The following KIAA0319 variants were observed in gnomAD, a reference collection of about 807,000 sequenced individuals.
KIAA0319 encodes the protein KIAA0319.
KIAA0319 carries 83 observed loss-of-function variants against 108.4 expected under a neutral mutation model. The ratio of observed to expected loss-of-function variants is 0.77; its 90% CI spans 0.64 to 0.92. The LOEUF is 0.92. Ranked by LOEUF, KIAA0319 falls within the 40% of genes least tolerant of loss-of-function variation. The probability of loss-of-function intolerance (pLI) is 0.00; values close to 1 mark genes in which losing one functional copy is unlikely to be tolerated. For synonymous variants in KIAA0319, 484 were observed against 510.4 expected (o/e 0.95, Z 0.70); for missense variants, 1,195 against 1,322.4 (o/e 0.90, Z 1.49).
intron 6 of KIAA0319, 68 bp downstream of exon 6, chr6:24,582,181 G>A: frequency 2.3e-6 from 2 of 884,136 alleles, no homozygotes; most frequent in Non-Finnish European, 3.8e-6. Context: ...CAGTAGCTAA[G>A]AAGGTATTAA....
chr6:24,607,722 T>G (rs886961339), intron 1 of KIAA0319, among the ~76,000 whole-genome samples: 5 of 152,240 alleles, frequency 3.3e-5, no homozygotes, highest in African/African-American at 9.6e-5. Flanking sequence ...AAACATAAGC[T>G]GATACATTTA....
chr6:24,568,635 G>A, intron 13 of KIAA0319, 146 bp downstream of exon 13: 1 of 678,884 alleles, frequency 1.5e-6, no homozygotes, highest in East Asian at 2.7e-5. Context: ...GAAGAAAGTT[G>A]GCTTTTTTTC....
chr6:24,599,190 A>G lies in KIAA0319; in HGVS notation c.55+1859T>C. The stretch of plus-strand genomic sequence containing the variant: ...CAACTGTAGCCAGGCCGGGGCTGAC[A>G]GCCTGTACCAGGTCAAGTATGAGGA... On this transcript the variant is annotated intron_variant, in intron 2 of 20. Coordinates refer to ENST00000378214, the MANE Select transcript of KIAA0319 (RefSeq NM_014809.4). The surrounding 1 kb of genome is among the most constrained non-coding windows in gnomAD (Gnocchi z 4.1). The G allele has an allele frequency of 1.8e-6, 1 of 540,928 alleles. No homozygotes were observed. The allele number at this position is 540,928 out of a possible 1,614,324, so 33.5% of individuals were successfully genotyped here. A position where few individuals can be genotyped will look rare whatever the true frequency, so the allele number is the denominator to read the frequency against.
At chr6:24,553,705 T>C (rs996651233) in intron 19 of KIAA0319, among the ~76,000 whole-genome samples, 3 of 152,172 alleles carry the variant, frequency 2.0e-5, no homozygotes, top group African/African-American at 7.2e-5. Flanking sequence ...AGCCTGTTAG[T>C]ATCACATCAT....
chr6:24,586,015 G>A (rs1432018412), intron 4 of KIAA0319, among the ~76,000 whole-genome samples: 6 of 152,130 alleles, frequency 3.9e-5, no homozygotes, highest in South Asian at 2.1e-4. Context: ...CTTGAACCTC[G>A]GAGGCAGAGG....
chr6:24,571,019 G>A (rs780149700), intron 11 of KIAA0319, among the ~76,000 whole-genome samples: 1 of 151,756 alleles, frequency 6.6e-6, no homozygotes, highest in African/African-American at 2.4e-5. Flanking sequence ...GCGAAACTCT[G>A]TGTTTCTATT....
chr6:24,609,297 A>G (rs1223954115), intron 1 of KIAA0319, among the ~76,000 whole-genome samples: 1 of 150,914 alleles, frequency 6.6e-6, no homozygotes, highest in Non-Finnish European at 1.5e-5. Context: ...AAAGAAAAAA[A>G]AAAAAAGAAA....
intron 2 of KIAA0319, chr6:24,598,553 T>C (rs1461157347): frequency 7.0e-6 from 3 of 428,258 alleles, no homozygotes; most frequent in African/African-American, 4.1e-5. Context: ...GTGGAGGACT[T>C]CAAGAACAAG....
intron 3 of KIAA0319, among the ~76,000 whole-genome samples, chr6:24,592,595 A>G (rs955117718): frequency 1.3e-5 from 2 of 152,214 alleles, no homozygotes; most frequent in African/African-American, 4.8e-5. Flanking sequence ...TATGCTATGC[A>G]TGTAATTTTT....
rs796799918 is a variant in KIAA0319, at chr6:24,552,013, CT to C, written c.2949-489del. 7.3e-3 allele frequency among the ~76,000 whole-genome samples: 1,065 copies of C among 145,860 alleles called. 11 individuals carry two copies. Among genetic ancestry groups the C allele is most frequent in the African/African-American group, 0.016 (644 of 40,080 alleles). ...AGCAACAGCTGCTCCCCACCTTTTT[CT>C]TTTTTTTTTTTCCTCAACACATGAA... On this transcript the variant is annotated intron_variant, in intron 19 of 20. Coordinates refer to ENST00000378214, the MANE Select transcript of KIAA0319 (RefSeq NM_014809.4).
intron 4 of KIAA0319, among the ~76,000 whole-genome samples, chr6:24,584,198 A>C: frequency 6.6e-6 from 1 of 152,152 alleles, no homozygotes; most frequent in East Asian, 1.9e-4. Flanking sequence ...GACAAAATCC[A>C]GTCACCCTCA....
chr6:24,638,755 G>A (rs967455846), intron 1 of KIAA0319, among the ~76,000 whole-genome samples: 64 of 79,180 alleles, frequency 8.1e-4, no homozygotes, highest in Non-Finnish European at 1.1e-3. Context: ...GCCAGACTCC[G>A]TCTCAAAAAA....
At chr6:24,585,480 G>T (rs899018133) in intron 4 of KIAA0319, among the ~76,000 whole-genome samples, 1 of 152,068 alleles carries the variant, frequency 6.6e-6, no homozygotes. Flanking sequence ...GGTGCAGGGG[G>T]TGGGGGAAAG....
chr6:24,551,638 G>C, intron 19 of KIAA0319, 113 bp from the exon 20 acceptor site: 1 of 707,402 alleles, frequency 1.4e-6, no homozygotes, highest in Non-Finnish European at 2.4e-6. Flanking sequence ...TGATGTGATA[G>C]TTGGCGTCTT....
intron 3 of KIAA0319, among the ~76,000 whole-genome samples, chr6:24,592,310 A>G (rs532846364): frequency 1.9e-4 from 29 of 152,332 alleles, no homozygotes; most frequent in Middle Eastern, 6.8e-3. Context: ...TAAATTTTCT[A>G]GATACCTTTA....
Position 24,572,644 on chromosome 6 carries a change from A to G in KIAA0319, c.1789T>C (p.Phe597Leu), listed in dbSNP as rs1163336742. The G allele has an allele frequency of 6.2e-7, 1 of 1,613,978 alleles. No individual in the cohort carries two copies. Among genetic ancestry groups the G allele is most frequent in the African/African-American group, 1.3e-5 (1 of 74,928 alleles). Residue 597 changes from phenylalanine (F) to leucine (L), a missense_variant, in exon 11 of 21, where the codon TTT becomes CTT. Phe to Leu is a conservative substitution (Grantham distance 22). Transcript: ENST00000378214. ...LSAMQEGDYT[F>L]QLKVTDSSRQ... ...GAAGAATCTGTCACCTTCAGCTGAA[A>G]TGTATAATCTCCTTCCTGCATTGCA...
At chr6:24,624,031 T>C (rs967978881) in intron 1 of KIAA0319, among the ~76,000 whole-genome samples, 19 of 141,406 alleles carry the variant, frequency 1.3e-4, no homozygotes, top group Non-Finnish European at 2.5e-4. Context: ...TTTTTTTTTT[T>C]TTTTTTTTTT....
chr6:24,635,854 T>C (rs1436717344), intron 1 of KIAA0319, among the ~76,000 whole-genome samples: 1 of 152,214 alleles, frequency 6.6e-6, no homozygotes, highest in Admixed American at 6.5e-5. Context: ...TTTAAGCAAC[T>C]AAGTTTGTGG....
rs143278830 is a variant in KIAA0319 at position 24,599,246 on chromosome 6, T to A, written c.55+1803A>T. On this transcript the variant is annotated intron_variant, in intron 2 of 20. Transcript: ENST00000378214. This position sits in a 1 kb window ranked among gnomAD's most constrained non-coding sequence, Gnocchi z 4.1. ...AGGCACTGGCTGGGAAGCACAGGGA[T>A]GACCTGTGTTATACAAAGATGGAGA... 11 of 499,748 alleles carry A rather than the reference T, an allele frequency of 2.2e-5. No individual in the cohort carries two copies. Among genetic ancestry groups the A allele is most frequent in the Non-Finnish European group, 4.1e-5 (11 of 271,094 alleles). 31.0% of individuals were successfully genotyped at this position (499,748 alleles called of 1,614,324 possible).
Sources: gnomAD v4.1 joint callset for allele counts (sites outside exome capture counted in the v4.1 genomes callset) on GRCh38, gnomAD v4.1.1 for gene constraint, Gnocchi (gnomAD v3.1) non-coding constraint, MANE v1.5 for transcripts, NCBI Gene and HGNC (gene_info 2026-07-23, HGNC 2026-07-21) for gene names.